The following TIMP3 variants were observed in gnomAD, a reference collection of about 807,000 sequenced individuals.
TIMP3 encodes metalloproteinase inhibitor 3.
Under a neutral mutation model 30.0 loss-of-function variants are expected in TIMP3, and 11 were observed. The observed-to-expected ratio is 0.37, with a 90% CI of 0.23 to 0.61. The LOEUF (loss-of-function observed/expected upper bound fraction) is 0.61. Among genes scored for constraint, TIMP3 ranks in the 20% least tolerant of loss-of-function variants. The probability of loss-of-function intolerance (pLI) is 0.70; values close to 1 mark genes in which losing one functional copy is unlikely to be tolerated. For synonymous variants in TIMP3, 112 were observed against 111.3 expected (o/e 1.01, Z -0.04); for missense variants, 181 against 276.8 (o/e 0.65, Z 2.45).
intron 1 of TIMP3, among the ~76,000 whole-genome samples, chr22:32,815,702 C>T (rs1281027905): frequency 1.3e-5 from 2 of 152,022 alleles, no homozygotes; most frequent in African/African-American, 4.8e-5. Flanking sequence ...CATCCTTGTC[C>T]TCCTCATTCC....
intron 1 of TIMP3, among the ~76,000 whole-genome samples, chr22:32,803,497 G>A (rs1302886347): frequency 6.6e-6 from 1 of 152,120 alleles, no homozygotes; most frequent in East Asian, 1.9e-4. Flanking sequence ...CTTGTAAGAG[G>A]CTCCCTGGGG....
At chr22:32,850,273 A>G (rs925832680) in intron 2 of TIMP3, among the ~76,000 whole-genome samples, 7 of 151,898 alleles carry the variant, frequency 4.6e-5, no homozygotes, top group Admixed American at 2.0e-4. Context: ...TAGCCTGCTT[A>G]CCTTGGGCTT....
chr22:32,848,262 A>T (rs550626874), intron 1 of TIMP3, among the ~76,000 whole-genome samples: 30 of 152,340 alleles, frequency 2.0e-4, no homozygotes, highest in African/African-American at 7.2e-4. Context: ...ATTCATAGTT[A>T]ACTAGTATCT....
intron 1 of TIMP3, among the ~76,000 whole-genome samples, chr22:32,802,679 C>G (rs957144373): frequency 6.6e-6 from 1 of 152,078 alleles, no homozygotes; most frequent in African/African-American, 2.4e-5. Flanking sequence ...TCTGGGACTG[C>G]CAAGTTTGGG....
chr22:32,802,214 C>T, intron 1 of TIMP3, 92 bp downstream of exon 1: 1 of 1,498,684 alleles, frequency 6.7e-7, no homozygotes, highest in Non-Finnish European at 8.9e-7. Flanking sequence ...CTCCTTTCCT[C>T]TGCCCCAGGA....
At chr22:32,826,063 A>T (rs1467534490) in intron 1 of TIMP3, among the ~76,000 whole-genome samples, 1 of 152,222 alleles carries the variant, frequency 6.6e-6, no homozygotes, top group Non-Finnish European at 1.5e-5. Context: ...ATTATTTTAT[A>T]GGTTTTTGTT....
At chr22:32,809,253 A>G (rs1393300929) in intron 1 of TIMP3, among the ~76,000 whole-genome samples, 1 of 152,166 alleles carries the variant, frequency 6.6e-6, no homozygotes, top group Non-Finnish European at 1.5e-5. Context: ...TGTGTTTCCA[A>G]TCAGTCTCTC....
intron 1 of TIMP3, among the ~76,000 whole-genome samples, chr22:32,840,572 C>G (rs868106595): frequency 6.6e-6 from 1 of 151,828 alleles, no homozygotes; most frequent in Non-Finnish European, 1.5e-5. Flanking sequence ...GGCGGGAGAT[C>G]GGCTCTGGCT....
At chr22:32,845,260 A>G (rs1006530879) in intron 1 of TIMP3, among the ~76,000 whole-genome samples, 2 of 151,816 alleles carry the variant, frequency 1.3e-5, no homozygotes, top group South Asian at 2.1e-4. Context: ...ACGGTGATGC[A>G]ATCTCGGCTC....
intron 2 of TIMP3, among the ~76,000 whole-genome samples, chr22:32,855,948 G>A (rs1033586958): frequency 2.0e-5 from 3 of 152,212 alleles, no homozygotes; most frequent in Admixed American, 6.5e-5. Flanking sequence ...ATACATTTAT[G>A]TGCTTCATCT....
chr22:32,830,667 C>A (rs545493817), intron 1 of TIMP3, among the ~76,000 whole-genome samples: 2 of 152,172 alleles, frequency 1.3e-5, no homozygotes, highest in East Asian at 1.9e-4. Context: ...GCCACCCCCC[C>A]GCCCCCGCAA....
chr22:32,838,771 G>T (rs1420755413), intron 1 of TIMP3, among the ~76,000 whole-genome samples: 1 of 151,826 alleles, frequency 6.6e-6, no homozygotes, highest in Non-Finnish European at 1.5e-5. Context: ...CTTCGTTATT[G>T]TATTACCTTT....
At chr22:32,855,960 G>A (rs984341151) in intron 2 of TIMP3, among the ~76,000 whole-genome samples, 1 of 152,028 alleles carries the variant, frequency 6.6e-6, no homozygotes, top group Non-Finnish European at 1.5e-5. Context: ...GCTTCATCTG[G>A]GATAAACGAA....
chr22:32,802,220 CAGGAG>C, intron 1 of TIMP3, 98 bp downstream of exon 1: 1 of 1,482,406 alleles, frequency 6.7e-7, no homozygotes, highest in Non-Finnish European at 9.0e-7. Flanking sequence ...TCCTCTGCCC[CAGGAG>C]AGGGGCAGAC....
At chr22:32,852,153 C>G (rs1177014310) in intron 2 of TIMP3, among the ~76,000 whole-genome samples, 1 of 152,214 alleles carries the variant, frequency 6.6e-6, no homozygotes, top group Non-Finnish European at 1.5e-5. Context: ...CTCTGTTTGA[C>G]AGGTGAGGCA....
chr22:32,833,589 A>G (rs2047641593), intron 1 of TIMP3, among the ~76,000 whole-genome samples: 1 of 152,184 alleles, frequency 6.6e-6, no homozygotes, highest in South Asian at 2.1e-4. Flanking sequence ...GGCCTGTGAA[A>G]TGTGCCCATG....
intron 2 of TIMP3, among the ~76,000 whole-genome samples, 184 bp downstream of exon 2, chr22:32,849,718 A>G (rs1187176280): frequency 1.3e-5 from 2 of 152,142 alleles, no homozygotes; most frequent in African/African-American, 4.8e-5. Flanking sequence ...GGGAGGGGGC[A>G]TGGGGCTGCC....
chr22:32,829,409 G>A (rs1053483417), intron 1 of TIMP3, among the ~76,000 whole-genome samples: 1 of 152,198 alleles, frequency 6.6e-6, no homozygotes, highest in Admixed American at 6.5e-5. Flanking sequence ...ACTTCATTAT[G>A]GCAAAGACAG....
chr22:32,811,540 G>A (rs138424463), intron 1 of TIMP3, among the ~76,000 whole-genome samples: 1 of 152,186 alleles, frequency 6.6e-6, no homozygotes, highest in African/African-American at 2.4e-5. Flanking sequence ...CAAATCTAAT[G>A]TGTTCCATTT....
Sources: gnomAD v4.1 joint callset for allele counts (sites outside exome capture counted in the v4.1 genomes callset) on GRCh38, gnomAD v4.1.1 for gene constraint, MANE v1.5 for transcripts, NCBI Gene and HGNC (gene_info 2026-07-23, HGNC 2026-07-21) for gene names.